Variants in ADAMTS2 observed in about 807,000 individuals in gnomAD.
ADAMTS2 encodes ADAM metallopeptidase with thrombospondin type 1 motif 2.
Under a neutral mutation model 123.0 loss-of-function variants are expected in ADAMTS2, and 50 were observed. That is an observed-to-expected ratio of 0.41 (90% CI 0.32 to 0.51). The LOEUF (loss-of-function observed/expected upper bound fraction) is 0.51, where lower values mean the gene tolerates loss of function less well. ADAMTS2 is among the 20% of genes least tolerant of loss of function. The probability of loss-of-function intolerance (pLI) is 0.35; values close to 1 mark genes in which losing one functional copy is unlikely to be tolerated. For synonymous variants in ADAMTS2, 678 were observed against 695.4 expected, an observed-to-expected ratio of 0.98 and a Z score of 0.39; for missense variants, 1,494 against 1,705.2, an observed-to-expected ratio of 0.88 and a Z score of 2.18.
Position 179,130,046 on chromosome 5 carries a change from C to T in ADAMTS2, c.2343G>A (p.Val781=), listed in dbSNP as rs774384325. 1.2e-6 allele frequency: 2 copies of T among 1,614,170 alleles called. No individual in the cohort carries two copies. Among genetic ancestry groups the T allele is most frequent in the East Asian group, 4.5e-5 (2 of 44,882 alleles). ...GKFILNEEND[V]DASSKTFIAM... ...CAATGAAGGTTTTGGAACTGGCATC[C>T]ACGTCATTCTCTTCATTTAAGATGA... The change falls in exon 16 of 22, where the codon GTG becomes GTA. Residue 781 remains valine, a synonymous_variant. Transcript: ENST00000251582. This position sits in a 1 kb window ranked among gnomAD's most constrained non-coding sequence, Gnocchi z 4.3.
chr5:179,165,837 A>G (rs1156253673), intron 5 of ADAMTS2, among the ~76,000 whole-genome samples: 1 of 152,180 alleles, frequency 6.6e-6, no homozygotes, highest in Non-Finnish European at 1.5e-5. Context: ...AGAAGCCTGC[A>G]GTAGGGCTGT....
At chr5:179,249,037 T>C (rs897437529) in intron 3 of ADAMTS2, among the ~76,000 whole-genome samples, 7 of 152,106 alleles carry the variant, frequency 4.6e-5, no homozygotes, top group Admixed American at 6.5e-5. Flanking sequence ...ATACAAAGCA[T>C]CTTCTCCAAC....
rs1329504461 is a variant in ADAMTS2 at position 179,317,172 on chromosome 5, G to T, written c.534+26595C>A. ...CAGCCCTCCTGTCACTCTGCCAGCT[G>T]GCAGCAGGGCCACCTCTGAGCATCC... On this transcript the variant is annotated intron_variant, in intron 2 of 21. Coordinates refer to ENST00000251582, the MANE Select transcript of ADAMTS2 (RefSeq NM_014244.5). This position sits in a 1 kb window ranked among gnomAD's most constrained non-coding sequence, Gnocchi z 4.9. Among the ~76,000 whole-genome samples, 2 of 152,096 alleles carry T rather than the reference G, an allele frequency of 1.3e-5. No homozygotes were observed. Among genetic ancestry groups the T allele is most frequent in the Admixed American group, 1.3e-4 (2 of 15,262 alleles).
chr5:179,173,869 T>TGGG (rs1182415059), intron 5 of ADAMTS2, among the ~76,000 whole-genome samples: 1 of 151,894 alleles, frequency 6.6e-6, no homozygotes, highest in African/African-American at 2.4e-5. Context: ...AAAAATTAGC[T>TGGG]GGGTGTGGTG....
rs765566532 is a variant in ADAMTS2, at chr5:179,152,166, G to A, written c.1605C>T (p.Asp535=). The change falls in exon 10 of 22, where the codon GAC becomes GAT. Residue 535 remains aspartate (D), a synonymous_variant. Coordinates refer to ENST00000251582, the MANE Select transcript of ADAMTS2 (RefSeq NM_014244.5). The part of the protein sequence containing the change: ...FCKTKKGPPL[D]GTMCAPGKHC... ...CCTTGCCAGGTGCACACATAGTCCCGTCCAAGGGGGGCCCCTTCTTGGTCT... is the reference window on the plus strand; with the variant it reads ...CCTTGCCAGGTGCACACATAGTCCCATCCAAGGGGGGCCCCTTCTTGGTCT... 31 of 1,613,816 alleles carry A rather than the reference G, an allele frequency of 1.9e-5. No homozygotes were observed. The Admixed American group carries it at 2.7e-4, about 14-fold the overall frequency.
intron 3 of ADAMTS2, among the ~76,000 whole-genome samples, chr5:179,248,951 A>G (rs1413848268): frequency 6.6e-6 from 1 of 152,168 alleles, no homozygotes; most frequent in Non-Finnish European, 1.5e-5. Flanking sequence ...CTTCTCATGT[A>G]TGATGATCAT....
chr5:179,278,595 T>A (rs1325376696), intron 2 of ADAMTS2, among the ~76,000 whole-genome samples: 3 of 152,142 alleles, frequency 2.0e-5, no homozygotes, highest in African/African-American at 7.2e-5. Flanking sequence ...CTGTCCAGCC[T>A]GGGGTCTTAC....
intron 2 of ADAMTS2, among the ~76,000 whole-genome samples, chr5:179,294,110 G>C (rs1756265474): frequency 6.6e-6 from 1 of 152,010 alleles, no homozygotes; most frequent in Admixed American, 6.6e-5. Flanking sequence ...TTAAAAATTA[G>C]CTGGGTGTGG....
chr5:179,259,414 G>A (rs538436295), intron 3 of ADAMTS2, among the ~76,000 whole-genome samples: 12 of 152,336 alleles, frequency 7.9e-5, no homozygotes, highest in East Asian at 3.9e-4. Context: ...CCCAGTGCCC[G>A]GTCCTGCTGT....
chr5:179,257,490 G>A (rs1766088389), intron 3 of ADAMTS2, among the ~76,000 whole-genome samples: 1 of 152,132 alleles, frequency 6.6e-6, no homozygotes, highest in Non-Finnish European at 1.5e-5. Flanking sequence ...CTCCGAACCC[G>A]GCGCCACGCC....
intron 3 of ADAMTS2, among the ~76,000 whole-genome samples, chr5:179,232,549 T>G (rs1277276092): frequency 6.6e-6 from 1 of 152,244 alleles, no homozygotes. Flanking sequence ...GGCCACTCCT[T>G]CTGGGGCTGT....
intron 3 of ADAMTS2, among the ~76,000 whole-genome samples, chr5:179,230,290 G>C (rs533091832): frequency 9.8e-4 from 149 of 152,292 alleles, no homozygotes; most frequent in African/African-American, 3.4e-3. Flanking sequence ...TTACCAGAAA[G>C]TGCGGTCTGG....
At chr5:179,287,834 C>T (rs1561690399) in intron 2 of ADAMTS2, among the ~76,000 whole-genome samples, 1 of 152,198 alleles carries the variant, frequency 6.6e-6, no homozygotes, top group Admixed American at 6.5e-5. Flanking sequence ...AGACACACTA[C>T]CCGACGGACG....
intron 2 of ADAMTS2, among the ~76,000 whole-genome samples, chr5:179,280,524 C>T (rs2113527881): frequency 6.6e-6 from 1 of 152,294 alleles, no homozygotes; most frequent in African/African-American, 2.4e-5. Flanking sequence ...CCTTCTAAAA[C>T]TCTACTAGGA....
chr5:179,151,061 T>C, intron 10 of ADAMTS2: 1 of 318,042 alleles, frequency 3.1e-6, no homozygotes, highest in Non-Finnish European at 6.5e-6. Flanking sequence ...CGCGCCCAGC[T>C]AATTTTTGTA....
chr5:179,304,395 A>G (rs988058154), intron 2 of ADAMTS2, among the ~76,000 whole-genome samples: 4 of 152,238 alleles, frequency 2.6e-5, no homozygotes, highest in Non-Finnish European at 5.9e-5. Context: ...ATATGTTGGA[A>G]TTAACTGACA....
intron 2 of ADAMTS2, among the ~76,000 whole-genome samples, chr5:179,311,748 C>G (rs961530028): frequency 1.3e-5 from 2 of 152,160 alleles, no homozygotes; most frequent in African/African-American, 4.8e-5. Context: ...AATTCCCCAT[C>G]CCCTGGCCCC....
At chr5:179,156,277 T>C (rs1226561109) in intron 6 of ADAMTS2, among the ~76,000 whole-genome samples, 1 of 152,076 alleles carries the variant, frequency 6.6e-6, no homozygotes, top group Non-Finnish European at 1.5e-5. Flanking sequence ...GGAGGGTCTG[T>C]CTCCTAACTT....
rs533676024 is a variant in ADAMTS2, at chr5:179,329,093, C to T, written c.534+14674G>A. On this transcript the variant is annotated intron_variant, in intron 2 of 21. Coordinates refer to ENST00000251582, the MANE Select transcript of ADAMTS2 (RefSeq NM_014244.5). Reference sequence around the variant, plus strand: ...CTGCAATCCCAGCACTTTGGGAGGCCAAGGAGGGCGGATCACGAGGTCAGG... The same window carrying T: ...CTGCAATCCCAGCACTTTGGGAGGCTAAGGAGGGCGGATCACGAGGTCAGG... Among the ~76,000 whole-genome samples the T allele has an allele frequency of 5.5e-3, 831 of 152,174 alleles. 4 individuals carry two copies. The highest frequency in any genetic ancestry group is 0.013 in the South Asian group (65 of 4,824).
Sources: gnomAD v4.1 joint callset for allele counts (sites outside exome capture counted in the v4.1 genomes callset) on GRCh38, gnomAD v4.1.1 for gene constraint, Gnocchi (gnomAD v3.1) non-coding constraint, MANE v1.5 for transcripts, NCBI Gene and HGNC (gene_info 2026-07-23, HGNC 2026-07-21) for gene names.